The following TRPV4 variants were observed in gnomAD, a reference collection of about 807,000 sequenced individuals.
TRPV4 encodes the protein transient receptor potential cation channel subfamily V member 4.
Under a neutral mutation model 84.1 loss-of-function variants are expected in TRPV4, and 58 were observed. The ratio of observed to expected loss-of-function variants is 0.69; its 90% CI spans 0.56 to 0.86. TRPV4 has a LOEUF of 0.86. Ranked by LOEUF, TRPV4 falls within the 40% of genes least tolerant of loss-of-function variation. The pLI is 0.00. For synonymous variants in TRPV4, 489 were observed against 500.9 expected (o/e 0.98, Z 0.32); for missense variants, 879 against 1,181.1 (o/e 0.74, Z 3.75).
chr12:109,795,329 T>G (rs998515537), intron 7 of TRPV4, among the ~76,000 whole-genome samples: 3 of 152,188 alleles, frequency 2.0e-5, no homozygotes, highest in African/African-American at 7.2e-5. Context: ...ATGCTAAACC[T>G]CCTGCCACCA....
At position 109,814,352 on chromosome 12, in the gene TRPV4, T is replaced by A. The variant is rs768499372; in HGVS notation, c.386+59A>T. ...GGATAATAGATAGAGGGGTGGATGA[T>A]GAATGGGTGAATGGATACAGAGGAG... On this transcript the variant is annotated intron_variant, in intron 2 of 15. Transcript: ENST00000261740. This position sits in a 1 kb window ranked among gnomAD's most constrained non-coding sequence, Gnocchi z 5.4. 1 of 1,580,416 alleles carries A rather than the reference T, an allele frequency of 6.3e-7. No homozygotes were observed. The highest frequency in any genetic ancestry group is 8.6e-7 in the Non-Finnish European group (1 of 1,159,124).
rs577212895 is a variant in TRPV4, at chr12:109,783,470, A to G, written c.*151T>C. 5.3e-5 allele frequency: 56 copies of G among 1,057,460 alleles called. No individual in the cohort carries two copies. The South Asian group carries it at 9.7e-4, about 18-fold the overall frequency. 65.5% of individuals were successfully genotyped at this position (1,057,460 alleles called of 1,614,324 possible). A position where few individuals can be genotyped will look rare whatever the true frequency, so the allele number is the denominator to read the frequency against. ...CAGGGTGGGGAGGCAGAGCCAGGGGACCACAGGGTCCTGGGGCCTCCCTGG... is the reference window on the plus strand; with the variant it reads ...CAGGGTGGGGAGGCAGAGCCAGGGGGCCACAGGGTCCTGGGGCCTCCCTGG... On this transcript the variant is annotated 3_prime_UTR_variant, in exon 16 of 16. Coordinates refer to ENST00000261740, the MANE Select transcript of TRPV4 (RefSeq NM_021625.5). This position sits in a 1 kb window ranked among gnomAD's most constrained non-coding sequence, Gnocchi z 4.6.
intron 2 of TRPV4, among the ~76,000 whole-genome samples, chr12:109,811,198 C>T (rs1891491962): frequency 6.6e-5 from 10 of 152,200 alleles, no homozygotes; most frequent in Admixed American, 2.6e-4. Flanking sequence ...TCTCTAACTT[C>T]AGCACCTCCC....
intron 2 of TRPV4, among the ~76,000 whole-genome samples, chr12:109,810,396 G>C (rs948962247): frequency 1.3e-5 from 2 of 152,214 alleles, no homozygotes; most frequent in Non-Finnish European, 2.9e-5. Flanking sequence ...AGGGCCAGAG[G>C]GGAAGGGGAA....
chr12:109,788,600 G>A lies in TRPV4; in HGVS notation c.2008C>T (p.Leu670Phe). Reference sequence around the variant, plus strand: ...ATGGTCAGCTTAAACAGGTCCAGGAGGAAGGTGCTGAAGGTCTCGCTGTCA... The same window carrying A: ...ATGGTCAGCTTAAACAGGTCCAGGAAGAAGGTGCTGAAGGTCTCGCTGTCA... ...CRDSETFSTF[L>F]LDLFKLTIGM... The change falls in exon 13 of 16, where the codon CTC (leucine) becomes TTC (phenylalanine). Residue 670 changes from leucine to phenylalanine, a missense_variant. Transcript: ENST00000261740. 6.2e-7 allele frequency: 1 copy of A among 1,614,272 alleles called. No individual in the cohort carries two copies. The highest frequency in any genetic ancestry group is 8.5e-7 in the Non-Finnish European group (1 of 1,180,050).
At chr12:109,800,892 C>A in intron 4 of TRPV4, 134 bp from the exon 5 acceptor site, 1 of 820,170 alleles carries the variant, frequency 1.2e-6, no homozygotes, top group South Asian at 1.4e-5. Context: ...CCAGCGACAC[C>A]CAAGGGCAGC....
rs1290303670 is a variant in TRPV4, at chr12:109,798,065, G to T, written c.1152+549C>A. ...ATGGTGCCCCCCAGAGGACAATTCA[G>T]CAATGTTCTGGAGATATTTTTGGTG... is the stretch of plus-strand genomic sequence containing the variant. On this transcript the variant is annotated intron_variant, in intron 6 of 15. Coordinates refer to ENST00000261740, the MANE Select transcript of TRPV4 (RefSeq NM_021625.5). The surrounding 1 kb of genome is among the most constrained non-coding windows in gnomAD (Gnocchi z 5.0). Among the ~76,000 whole-genome samples, 78 of 152,182 alleles carry T rather than the reference G, an allele frequency of 5.1e-4. 2 individuals carry two copies. The highest frequency in any genetic ancestry group is 5.0e-3 in the Admixed American group (77 of 15,270).
At position 109,793,621 on chromosome 12, in the gene TRPV4, C is replaced by T. The variant is rs201534072; in HGVS notation, c.1585-21G>A. 3.7e-5 allele frequency: 60 copies of T among 1,606,230 alleles called. No individual in the cohort carries two copies. Among genetic ancestry groups the T allele is most frequent in the South Asian group, 5.5e-5 (5 of 90,888 alleles). ...TTGATCTGGAAGACAGGAGGGGGCA[C>T]GTGAAAGGGGTGGGGCCAGCAGGAG... On this transcript the variant is annotated intron_variant, in intron 9 of 15. Coordinates refer to ENST00000261740, the MANE Select transcript of TRPV4 (RefSeq NM_021625.5). The surrounding 1 kb of genome is among the most constrained non-coding windows in gnomAD (Gnocchi z 4.0).
At chr12:109,802,294 T>A (rs1404606606) in intron 4 of TRPV4, among the ~76,000 whole-genome samples, 1 of 148,678 alleles carries the variant, frequency 6.7e-6, no homozygotes, top group Non-Finnish European at 1.5e-5. Context: ...CAAGCCTGGC[T>A]TTTTTTGCAT....
intron 12 of TRPV4, among the ~76,000 whole-genome samples, chr12:109,791,957 G>A (rs191829118): frequency 5.5e-4 from 84 of 151,886 alleles, no homozygotes; most frequent in East Asian, 1.9e-4. Context: ...GTGGCCAGGC[G>A]CGTTGGCTCA....
intron 1 of TRPV4, among the ~76,000 whole-genome samples, chr12:109,820,723 T>C (rs1408403414): frequency 6.6e-6 from 1 of 151,760 alleles, no homozygotes; most frequent in Non-Finnish European, 1.5e-5. Flanking sequence ...CGGGGTTTCA[T>C]GGTGTTAGCC....
chr12:109,831,906 G>T (rs1432954060), intron 1 of TRPV4, among the ~76,000 whole-genome samples: 2 of 152,244 alleles, frequency 1.3e-5, no homozygotes, highest in East Asian at 3.8e-4. Flanking sequence ...GGGTGTCCAG[G>T]CTTTCTGGTT....
Position 109,799,008 on chromosome 12 carries a change from A to G in TRPV4, c.854-96T>C, listed in dbSNP as rs1890608923. On this transcript the variant is annotated intron_variant, in intron 5 of 15. Transcript: ENST00000261740. ...GGGGGACGGACACCGTGGCGCTCTG[A>G]GGATAATGACGGAGACAGCACCAGC... 11 of 1,235,450 alleles carry G rather than the reference A, an allele frequency of 8.9e-6. No homozygotes were observed. In the South Asian group the frequency reaches 1.5e-4, roughly 17 times the overall value. The allele number at this position is 1,235,450 out of a possible 1,614,324, so 76.5% of individuals were successfully genotyped here.
chr12:109,797,700 T>A (rs1191726899), intron 6 of TRPV4, among the ~76,000 whole-genome samples: 1 of 152,154 alleles, frequency 6.6e-6, no homozygotes, highest in Admixed American at 6.5e-5. Flanking sequence ...TGCTACATTT[T>A]TTTTTATTTT....
At chr12:109,805,494 T>C (rs540527955) in intron 3 of TRPV4, among the ~76,000 whole-genome samples, 2 of 152,076 alleles carry the variant, frequency 1.3e-5, no homozygotes, top group South Asian at 4.2e-4. Flanking sequence ...CAGGGTGGGG[T>C]GCTGTAGCCA....
chr12:109,809,081 T>C (rs1270941677), intron 2 of TRPV4, among the ~76,000 whole-genome samples: 8 of 99,642 alleles, frequency 8.0e-5, no homozygotes, highest in Admixed American at 1.0e-4. Context: ...ATCTGCCCAC[T>C]CATCCATCCA....
intron 1 of TRPV4, among the ~76,000 whole-genome samples, chr12:109,820,238 G>A (rs1025826215): frequency 1.3e-5 from 2 of 152,112 alleles, no homozygotes; most frequent in Admixed American, 1.3e-4. Flanking sequence ...TAGACCAGAA[G>A]GGCTCAGGAG....
intron 2 of TRPV4, among the ~76,000 whole-genome samples, chr12:109,809,452 C>G (rs1407608544): frequency 6.7e-6 from 1 of 150,076 alleles, no homozygotes; most frequent in Non-Finnish European, 1.5e-5. Context: ...ACCCACTCAT[C>G]CATCCATCCA....
intron 1 of TRPV4, among the ~76,000 whole-genome samples, chr12:109,826,065 C>T (rs1188095709): frequency 1.3e-5 from 2 of 152,174 alleles, no homozygotes; most frequent in Non-Finnish European, 2.9e-5. Context: ...GCTTTGTCAC[C>T]CAGGCTGGAG....
Sources: gnomAD v4.1 joint callset for allele counts (sites outside exome capture counted in the v4.1 genomes callset) on GRCh38, gnomAD v4.1.1 for gene constraint, Gnocchi (gnomAD v3.1) non-coding constraint, MANE v1.5 for transcripts, NCBI Gene and HGNC (gene_info 2026-07-23, HGNC 2026-07-21) for gene names.